Variants in XYLT1 observed in about 807,000 individuals in gnomAD.
The protein encoded by XYLT1 is xylosyltransferase 1.
In XYLT1, 36 loss-of-function variants were observed where a neutral mutation model predicts 91.3. The ratio of observed to expected loss-of-function variants is 0.39; its 90% CI spans 0.30 to 0.52. The LOEUF is 0.52. Ranked by LOEUF, XYLT1 falls within the 20% of genes least tolerant of loss-of-function variation. The pLI is 0.68. For missense variants in XYLT1, 1,242 were observed against 1,284.5 expected (o/e 0.97, Z 0.51); for synonymous variants, 588 against 532.0 (o/e 1.11, Z -1.45).
chr16:17,349,001 A>G (rs1212445564), intron 2 of XYLT1, among the ~76,000 whole-genome samples: 1 of 152,228 alleles, frequency 6.6e-6, no homozygotes, highest in Non-Finnish European at 1.5e-5. Flanking sequence ...GCTCAGTGGC[A>G]GCACCACGGG....
intron 2 of XYLT1, among the ~76,000 whole-genome samples, chr16:17,349,236 A>C (rs982183036): frequency 6.6e-6 from 1 of 152,262 alleles, no homozygotes; most frequent in Non-Finnish European, 1.5e-5. Context: ...CAAGTGAGTG[A>C]TCTATAGCAA....
chr16:17,392,946 C>A (rs1264177468), intron 1 of XYLT1, among the ~76,000 whole-genome samples: 1 of 152,178 alleles, frequency 6.6e-6, no homozygotes, highest in African/African-American at 2.4e-5. Context: ...CTTTCAAATG[C>A]AAGATGTGGG....
chr16:17,398,575 G>A (rs2035920413), intron 1 of XYLT1, among the ~76,000 whole-genome samples: 2 of 152,078 alleles, frequency 1.3e-5, no homozygotes, highest in South Asian at 4.1e-4. Context: ...ACCACTAAAT[G>A]GCTTAAACAA....
intron 2 of XYLT1, among the ~76,000 whole-genome samples, chr16:17,320,124 A>G (rs1050693687): frequency 1.3e-5 from 2 of 152,236 alleles, no homozygotes; most frequent in East Asian, 3.9e-4. Context: ...ATTACCACTA[A>G]TCAACATTTG....
intron 1 of XYLT1, among the ~76,000 whole-genome samples, chr16:17,373,200 G>C (rs1175899841): frequency 6.6e-6 from 1 of 152,120 alleles, no homozygotes; most frequent in Non-Finnish European, 1.5e-5. Flanking sequence ...AAGGGCTGTT[G>C]TTGGAATCCA....
At chr16:17,385,649 T>G (rs946752134) in intron 1 of XYLT1, among the ~76,000 whole-genome samples, 2 of 151,904 alleles carry the variant, frequency 1.3e-5, no homozygotes, top group South Asian at 4.2e-4. Context: ...CAACCAACTC[T>G]CATCTTGTAG....
intron 3 of XYLT1, among the ~76,000 whole-genome samples, chr16:17,218,282 C>T (rs1316049019): frequency 6.6e-6 from 1 of 151,606 alleles, no homozygotes; most frequent in African/African-American, 2.4e-5. Flanking sequence ...ACCAAAAAAA[C>T]AAACAACAAC....
intron 2 of XYLT1, among the ~76,000 whole-genome samples, chr16:17,294,228 G>A (rs1043055296): frequency 1.3e-5 from 2 of 152,088 alleles, no homozygotes; most frequent in Non-Finnish European, 2.9e-5. Context: ...GGGAAAGGGA[G>A]GTTTCTGGAA....
intron 3 of XYLT1, among the ~76,000 whole-genome samples, chr16:17,240,806 C>T (rs1411786203): frequency 6.6e-6 from 1 of 152,186 alleles, no homozygotes; most frequent in East Asian, 1.9e-4. Context: ...TTAGGAGAAC[C>T]TGTTGGATAG....
chr16:17,163,566 G>A (rs2031601910), intron 5 of XYLT1, among the ~76,000 whole-genome samples: 1 of 152,200 alleles, frequency 6.6e-6, no homozygotes, highest in African/African-American at 2.4e-5. Flanking sequence ...TACTGTCAAG[G>A]ACCCTGCCAG....
rs756634531 is a variant in XYLT1, at chr16:17,127,649, A to G, written c.2223+17T>C. The G allele has an allele frequency of 6.2e-7, 1 of 1,608,590 alleles. No homozygotes were observed. The highest frequency in any genetic ancestry group is 1.1e-5 in the South Asian group (1 of 90,464). On this transcript the variant is annotated intron_variant, in intron 10 of 11. Coordinates refer to ENST00000261381, the MANE Select transcript of XYLT1 (RefSeq NM_022166.4). ...AATGCAAAATACAATGAAATGTGAC[A>G]AGACCTGGCCTCTTACCTCGGAAAA...
At chr16:17,248,743 GA>G in intron 3 of XYLT1, among the ~76,000 whole-genome samples, 1 of 133,358 alleles carries the variant, frequency 7.5e-6, no homozygotes, top group African/African-American at 3.0e-5. Flanking sequence ...TTTTACATGT[GA>G]ATTTTTTTTT....
chr16:17,285,908 G>GTA (rs1311066819), intron 2 of XYLT1, among the ~76,000 whole-genome samples: 1 of 137,172 alleles, frequency 7.3e-6, no homozygotes. Context: ...GTGTGTGTGT[G>GTA]TGTGTGTGTG....
At chr16:17,171,275 G>A (rs1295589093) in intron 5 of XYLT1, among the ~76,000 whole-genome samples, 1 of 152,180 alleles carries the variant, frequency 6.6e-6, no homozygotes, top group Non-Finnish European at 1.5e-5. Flanking sequence ...TTGGGACTGG[G>A]TCAGTTTGGA....
At chr16:17,461,392 C>T (rs978448981) in intron 1 of XYLT1, among the ~76,000 whole-genome samples, 4 of 152,202 alleles carry the variant, frequency 2.6e-5, no homozygotes, top group Non-Finnish European at 2.9e-5. Flanking sequence ...CTTATCAGCA[C>T]GGGCTCTAAC....
chr16:17,326,599 G>A (rs1315746316), intron 2 of XYLT1, among the ~76,000 whole-genome samples: 3 of 151,836 alleles, frequency 2.0e-5, no homozygotes, highest in African/African-American at 7.3e-5. Flanking sequence ...CGAGGCGGGC[G>A]GATCACAAGG....
chr16:17,184,472 T>A (rs1441375625), intron 5 of XYLT1, among the ~76,000 whole-genome samples: 6 of 152,212 alleles, frequency 3.9e-5, no homozygotes, highest in Non-Finnish European at 8.8e-5. Context: ...AACAGTAGTA[T>A]AATTCTCTCT....
At chr16:17,270,600 C>T (rs142113620) in intron 2 of XYLT1, among the ~76,000 whole-genome samples, 111 of 152,288 alleles carry the variant, frequency 7.3e-4, no homozygotes, top group Middle Eastern at 3.4e-3. Context: ...GAAAATGGAA[C>T]GAGAAGAAGA....
chr16:17,339,591 G>A (rs1363643804), intron 2 of XYLT1, among the ~76,000 whole-genome samples: 3 of 151,992 alleles, frequency 2.0e-5, no homozygotes, highest in African/African-American at 7.3e-5. Flanking sequence ...TTAATCCTCT[G>A]CATTTTTTTG....
Sources: allele counts gnomAD v4.1 joint callset (sites outside exome capture counted in the v4.1 genomes callset), GRCh38; gene constraint gnomAD v4.1.1; transcripts MANE v1.5; gene names NCBI Gene and HGNC (gene_info 2026-07-23, HGNC 2026-07-21).